The following PCDHA8 variants were observed in gnomAD, a reference collection of about 807,000 sequenced individuals.
The protein encoded by PCDHA8 is protocadherin alpha 8, also known as protocadherin alpha-8.
PCDHA8 carries 53 observed loss-of-function variants against 61.8 expected under a neutral mutation model. The ratio of observed to expected loss-of-function variants is 0.86; its 90% CI spans 0.69 to 1.08. PCDHA8 has a LOEUF of 1.08. PCDHA8 is among the 50% of genes least tolerant of loss of function. PCDHA8 has a pLI of 0.00. For missense variants in PCDHA8, 1,293 were observed against 1,245.0 expected, an observed-to-expected ratio of 1.04 and a Z score of -0.58; for synonymous variants, 618 against 556.6, an observed-to-expected ratio of 1.11 and a Z score of -1.55.
chr5:140,871,031 G>C (rs543880939), intron 1 of PCDHA8: 4 of 1,613,210 alleles, frequency 2.5e-6, no homozygotes, highest in Middle Eastern at 3.3e-4. Flanking sequence ...GACTCGCCGC[G>C]CCACCGACTT....
At chr5:140,964,367 T>C (rs1269937571) in intron 1 of PCDHA8, among the ~76,000 whole-genome samples, 1 of 152,178 alleles carries the variant, frequency 6.6e-6, no homozygotes, top group Non-Finnish European at 1.5e-5. Context: ...ACAAGAGTGC[T>C]GAAAGGAGAG....
rs781863404 is a variant in PCDHA8, at chr5:141,010,259, G to C, written c.*322G>C. 6.4e-7 allele frequency: 1 copy of C among 1,551,820 alleles called. No individual in the cohort carries two copies. The highest frequency in any genetic ancestry group is 1.2e-5 in the South Asian group (1 of 84,074). On this transcript the variant is annotated 3_prime_UTR_variant, in exon 4 of 4. Coordinates refer to ENST00000531613, the MANE Select transcript of PCDHA8 (RefSeq NM_018911.3). Reference sequence around the variant, plus strand: ...TGAGAGGTTGGACTCTCTGCCCTGTGCTCCGGGGATCCTGTCTTGATGACA... The same window carrying C: ...TGAGAGGTTGGACTCTCTGCCCTGTCCTCCGGGGATCCTGTCTTGATGACA...
At chr5:141,000,419 ATATTTTTT>A (rs1194100555) in intron 3 of PCDHA8, among the ~76,000 whole-genome samples, 4 of 60,996 alleles carry the variant, frequency 6.6e-5, no homozygotes, top group African/African-American at 2.3e-4. Flanking sequence ...ATATATATAT[ATATTTTTT>A]TTTTTTTTTT....
intron 1 of PCDHA8, chr5:140,875,764 C>A (rs782377276): frequency 6.2e-7 from 1 of 1,614,196 alleles, no homozygotes; most frequent in Non-Finnish European, 8.5e-7. Flanking sequence ...GCTGTGCGGG[C>A]GGAGCGCGGA....
chr5:140,966,974 C>A, intron 1 of PCDHA8: 1 of 1,602,874 alleles, frequency 6.2e-7, no homozygotes, highest in Non-Finnish European at 8.5e-7. Context: ...GCTTGAGCTG[C>A]GGCGCTTGGG....
intron 1 of PCDHA8, among the ~76,000 whole-genome samples, chr5:140,909,836 C>T (rs2074710574): frequency 6.6e-6 from 1 of 152,176 alleles, no homozygotes; most frequent in South Asian, 2.1e-4. Flanking sequence ...ACTGGAGGAC[C>T]ACCAGGACGT....
Position 140,841,732 on chromosome 5 carries a change from C to G in PCDHA8, c.411C>G (p.Asp137Glu). Residue 137 changes from aspartate to glutamate, a missense_variant, in exon 1 of 4, where the codon GAC becomes GAG. Transcript: ENST00000531613. ...ACCCGCCAGTGTTCCGGGTAAAAGA[C>G]CAAAAGCTGTTTGTTTCAGAATCCA... is the stretch of plus-strand genomic sequence containing the variant. ...NDNPPVFRVKDQKLFVSESRM... is the reference protein window; with the variant it reads ...NDNPPVFRVKEQKLFVSESRM... 4.3e-6 allele frequency: 7 copies of G among 1,613,858 alleles called. No homozygotes were observed. Among genetic ancestry groups the G allele is most frequent in the Non-Finnish European group, 5.9e-6 (7 of 1,179,862 alleles).
intron 1 of PCDHA8, among the ~76,000 whole-genome samples, chr5:140,925,482 A>G (rs1238702660): frequency 2.0e-5 from 3 of 152,088 alleles, no homozygotes; most frequent in Admixed American, 6.6e-5. Flanking sequence ...TTCTCATAGA[A>G]CTGATCACTG....
At chr5:141,006,828 G>A (rs1554260937) in intron 3 of PCDHA8, among the ~76,000 whole-genome samples, 1 of 152,162 alleles carries the variant, frequency 6.6e-6, no homozygotes, top group Non-Finnish European at 1.5e-5. Context: ...TAAATGGGGT[G>A]TAATTTACTG....
At position 141,010,718 on chromosome 5, in the gene PCDHA8, T is replaced by C. The variant is rs2154002137; in HGVS notation, c.*781T>C. Reference sequence around the variant, plus strand: ...TTTCCTATACATGTCCTGTGCTCACTTTATTAAAAATTCTTTTGCACACAA... The same window carrying C: ...TTTCCTATACATGTCCTGTGCTCACCTTATTAAAAATTCTTTTGCACACAA... On this transcript the variant is annotated 3_prime_UTR_variant, in exon 4 of 4. Coordinates refer to ENST00000531613, the MANE Select transcript of PCDHA8 (RefSeq NM_018911.3). The C allele has an allele frequency of 6.5e-6, 1 of 154,542 alleles. No homozygotes were observed. The highest frequency in any genetic ancestry group is 1.9e-4 in the East Asian group (1 of 5,208). 9.6% of individuals were successfully genotyped at this position (154,542 alleles called of 1,614,324 possible). A position where few individuals can be genotyped will look rare whatever the true frequency, so the allele number is the denominator to read the frequency against.
chr5:140,994,318 C>G (rs782231160), intron 3 of PCDHA8, among the ~76,000 whole-genome samples: 18 of 152,300 alleles, frequency 1.2e-4, no homozygotes, highest in Non-Finnish European at 1.6e-4. Context: ...CCCAAACACT[C>G]TCAGCAACCA....
rs2150359840 is a variant in PCDHA8 at position 140,843,436 on chromosome 5, C to G, written c.2115C>G (p.Cys705Trp). The change falls in exon 1 of 4, where the codon TGC becomes TGG. Residue 705 changes from cysteine (C) to tryptophan (W), a missense_variant. Physicochemically the swap from Cys to Trp is radical, Grantham distance 215 (BLOSUM62 -2). Transcript: ENST00000531613. Reference protein sequence around the residue: ...DVNVYLIIAICAVSSLLVLTL... With the variant: ...DVNVYLIIAIWAVSSLLVLTL... ...ACGTGTACCTGATCATCGCCATCTG[C>G]GCGGTATCCAGCCTGCTGGTGCTCA... 1.3e-6 allele frequency: 2 copies of G among 1,596,080 alleles called. No homozygotes were observed. The highest frequency in any genetic ancestry group is 8.6e-7 in the Non-Finnish European group (1 of 1,165,610).
At chr5:140,990,224 G>T (rs1368393390) in intron 3 of PCDHA8, among the ~76,000 whole-genome samples, 1 of 152,160 alleles carries the variant, frequency 6.6e-6, no homozygotes, top group Non-Finnish European at 1.5e-5. Flanking sequence ...GAAGTTTATT[G>T]TAACTAGCGT....
intron 1 of PCDHA8, chr5:140,876,798 C>T: frequency 6.2e-7 from 1 of 1,614,180 alleles, no homozygotes; most frequent in Non-Finnish European, 8.5e-7. Context: ...CTAGAGTGTC[C>T]GTGGAGGTGG....
intron 3 of PCDHA8, among the ~76,000 whole-genome samples, chr5:140,992,037 G>A (rs2153898781): frequency 6.6e-6 from 1 of 152,006 alleles, no homozygotes; most frequent in East Asian, 1.9e-4. Context: ...GTGTGTGTGT[G>A]TGTGTGTGTG....
intron 2 of PCDHA8, 148 bp from the exon 3 acceptor site, chr5:140,982,327 C>T: frequency 7.0e-7 from 1 of 1,419,146 alleles, no homozygotes; most frequent in Non-Finnish European, 9.4e-7. Context: ...AGGGTGACTG[C>T]TCAGCAGTAA....
At chr5:140,879,876 A>G (rs1326051828) in intron 1 of PCDHA8, among the ~76,000 whole-genome samples, 1 of 152,126 alleles carries the variant, frequency 6.6e-6, no homozygotes, top group Non-Finnish European at 1.5e-5. Flanking sequence ...TCATGGTCAC[A>G]TTGCCTCCTC....
At chr5:140,926,840 C>T (rs1427760232) in intron 1 of PCDHA8, 4 of 1,514,378 alleles carry the variant, frequency 2.6e-6, no homozygotes, top group South Asian at 2.7e-5. Flanking sequence ...GAGCATGGTC[C>T]TGGGTCACCG....
intron 1 of PCDHA8, among the ~76,000 whole-genome samples, chr5:140,935,413 T>C (rs1011900671): frequency 1.3e-5 from 2 of 152,246 alleles, no homozygotes; most frequent in Non-Finnish European, 2.9e-5. Flanking sequence ...ACAATGGACT[T>C]AGAAAACAAT....
Sources: allele counts gnomAD v4.1 joint callset (sites outside exome capture counted in the v4.1 genomes callset), GRCh38; gene constraint gnomAD v4.1.1; transcripts MANE v1.5; gene names NCBI Gene and HGNC (gene_info 2026-07-23, HGNC 2026-07-21).